The following ANO1 variants were observed in gnomAD, a reference collection of about 807,000 sequenced individuals.
ANO1 encodes anoctamin-1.
Under a neutral mutation model 124.0 loss-of-function variants are expected in ANO1, and 59 were observed. That is an observed-to-expected ratio of 0.48 (90% CI 0.39 to 0.59). The LOEUF (loss-of-function observed/expected upper bound fraction) is 0.59. Among genes scored for constraint, ANO1 ranks in the 20% least tolerant of loss-of-function variants. The pLI, the probability that ANO1 is intolerant of heterozygous loss-of-function variation, is 0.00. For synonymous variants in ANO1, 529 were observed against 532.0 expected (o/e 0.99, Z 0.08); for missense variants, 1,059 against 1,328.0 (o/e 0.80, Z 3.15).
chr11:70,155,900 C>T lies in ANO1; in HGVS notation c.1426-11C>T, dbSNP rs1565257859. ...ACCGCACGGTGCTCTCTTTCCCCCA[C>T]CCCCCCTCAGAAGCGCCGGCATATT... On this transcript the variant is annotated splice_polypyrimidine_tract_variant and intron_variant, in intron 14 of 25. Transcript: ENST00000355303. 3.3e-6 allele frequency: 5 copies of T among 1,532,868 alleles called. No individual in the cohort carries two copies. In the Admixed American group the frequency reaches 8.4e-5, roughly 26 times the overall value. The allele number at this position is 1,532,868 out of a possible 1,614,324, so 95.0% of individuals were successfully genotyped here.
intron 21 of ANO1, among the ~76,000 whole-genome samples, chr11:70,169,067 G>T (rs982662366): frequency 6.6e-6 from 1 of 152,214 alleles, no homozygotes; most frequent in Non-Finnish European, 1.5e-5. Flanking sequence ...GGTCTGGGAG[G>T]TGGCTTCCCC....
At chr11:70,048,123 G>A (rs1240853487) in intron 1 of ANO1, among the ~76,000 whole-genome samples, 3 of 152,076 alleles carry the variant, frequency 2.0e-5, no homozygotes, top group African/African-American at 7.2e-5. Context: ...TCTTCCATTT[G>A]CACTCAAAGT....
At chr11:70,127,891 T>C (rs933470782) in intron 10 of ANO1, among the ~76,000 whole-genome samples, 7 of 152,204 alleles carry the variant, frequency 4.6e-5, no homozygotes, top group Non-Finnish European at 1.0e-4. Context: ...GGGAATTGAC[T>C]ATAAAGGGGA....
Position 70,170,909 on chromosome 11 carries a change from CCT to C in ANO1, c.2221_2222del (p.Leu741ValfsTer30), listed in dbSNP as rs775074828. On this transcript the variant is annotated frameshift_variant, in exon 22 of 26. Transcript: ENST00000355303. LOFTEE classifies it high-confidence loss of function. ...EMIIQFGFVT[L>X]FVASFPLAPL... ...CAGTCATCCAGTTTGGCTTCGTCAC[CCT>C]GTTTGTCGCCTCCTTCCCCCTGGCC... is the stretch of plus-strand genomic sequence containing the variant. 6.2e-7 allele frequency: 1 copy of C among 1,613,442 alleles called. No homozygotes were observed. Among genetic ancestry groups the C allele is most frequent in the Middle Eastern group, 1.7e-4 (1 of 6,060 alleles).
chr11:70,182,562 A>G lies in ANO1; in HGVS notation c.2464A>G (p.Ser822Gly), dbSNP rs769860063. ...GCGCCTGGTGTACCTCTACATGTACAGTAAGAACGGGACCATGCACGGCTT... is the reference window on the plus strand; with the variant it reads ...GCGCCTGGTGTACCTCTACATGTACGGTAAGAACGGGACCATGCACGGCTT... Reference protein sequence around the residue: ...IPRLVYLYMYSKNGTMHGFVN... With the variant: ...IPRLVYLYMYGKNGTMHGFVN... Residue 822 changes from serine (S) to glycine (G), a missense_variant, in exon 24 of 26, where the codon AGT (serine) becomes GGT (glycine). By Grantham distance (56) the Ser-to-Gly change is moderately conservative (BLOSUM62 0). This residue lies in a region of ANO1 where 809 missense variants were observed against 1,094.9 expected (regional missense o/e 0.74). Coordinates refer to ENST00000355303, the MANE Select transcript of ANO1 (RefSeq NM_018043.7). The G allele has an allele frequency of 3.7e-6, 6 of 1,613,236 alleles. No individual in the cohort carries two copies. Among genetic ancestry groups the G allele is most frequent in the Admixed American group, 3.3e-5 (2 of 59,862 alleles).
chr11:70,012,691 T>TCATC (rs145576612), intron 1 of ANO1, among the ~76,000 whole-genome samples: 6,646 of 150,736 alleles, frequency 0.044, 465 homozygotes, highest in African/African-American at 0.15. Context: ...GTCCTTTCCT[T>TCATC]CATCCATCCA....
intron 14 of ANO1, among the ~76,000 whole-genome samples, chr11:70,154,104 A>G (rs1457640834): frequency 1.3e-5 from 2 of 152,140 alleles, no homozygotes; most frequent in African/African-American, 2.4e-5. Flanking sequence ...ATGTGGGACA[A>G]GCAGGCATGG....
chr11:70,187,861 G>C lies in ANO1; in HGVS notation c.2818G>C (p.Asp940His). The C allele has an allele frequency of 6.2e-7, 1 of 1,607,746 alleles. No individual in the cohort carries two copies. Among genetic ancestry groups the C allele is most frequent in the Non-Finnish European group, 8.5e-7 (1 of 1,177,360 alleles). ...GGAGCTGTTCATGCGGGAGGAGCAAGACAAGCAGCAGCTGCTGGAAACCTG... is the reference window on the plus strand; with the variant it reads ...GGAGCTGTTCATGCGGGAGGAGCAACACAAGCAGCAGCTGCTGGAAACCTG... ...MVELFMREEQ[D>H]KQQLLETWME... Residue 940 changes from aspartate (D) to histidine (H), a missense_variant, in exon 26 of 26, where the codon GAC becomes CAC. By Grantham distance (81) the Asp-to-His change is moderately conservative. This residue lies in a region of ANO1 where 809 missense variants were observed against 1,094.9 expected (regional missense o/e 0.74). Coordinates refer to ENST00000355303, the MANE Select transcript of ANO1 (RefSeq NM_018043.7).
chr11:70,162,741 G>A (rs1480777402), intron 18 of ANO1, among the ~76,000 whole-genome samples: 1 of 152,174 alleles, frequency 6.6e-6, no homozygotes, highest in African/African-American at 2.4e-5. Flanking sequence ...CCCGCCAAGG[G>A]GTCCAGTGCC....
chr11:70,135,845 G>A (rs1227196814), intron 11 of ANO1, among the ~76,000 whole-genome samples: 1 of 152,218 alleles, frequency 6.6e-6, no homozygotes, highest in Admixed American at 6.5e-5. Context: ...TGTGATAAGC[G>A]CCTGTTGCGG....
intron 15 of ANO1, among the ~76,000 whole-genome samples, chr11:70,156,498 GCTGCTTGTTT>G (rs771383192): frequency 6.6e-5 from 10 of 152,300 alleles, no homozygotes; most frequent in Non-Finnish European, 1.5e-4. Flanking sequence ...TGTAGTGCTA[GCTGCTTGTTT>G]CAACTTGCTC....
chr11:70,065,864 C>T lies in ANO1; in HGVS notation c.59-12678C>T, dbSNP rs190919890. Among the ~76,000 whole-genome samples the T allele has an allele frequency of 1.1e-4, 17 of 152,316 alleles. No individual in the cohort carries two copies. The East Asian group carries it at 1.2e-3, about 10-fold the overall frequency. On this transcript the variant is annotated intron_variant, in intron 1 of 27. Coordinates refer to the ANO1 transcript ENST00000531349. ...GATCTCTGCTCAGATGTCACTTCCCCGGAAGGGCCTTCCACGGCCACCCAC... is the reference window on the plus strand; with the variant it reads ...GATCTCTGCTCAGATGTCACTTCCCTGGAAGGGCCTTCCACGGCCACCCAC...
chr11:70,014,342 G>A (rs1183880874), intron 1 of ANO1, among the ~76,000 whole-genome samples: 2 of 137,318 alleles, frequency 1.5e-5, no homozygotes, highest in Non-Finnish European at 3.0e-5. Flanking sequence ...CCGCTCCTTT[G>A]CCTCCAACAC....
At chr11:70,049,129 C>G (rs554040401) in intron 1 of ANO1, among the ~76,000 whole-genome samples, 26 of 152,258 alleles carry the variant, frequency 1.7e-4, no homozygotes, top group African/African-American at 6.0e-4. Context: ...ATCTAAGATG[C>G]ATAAAGATGC....
At chr11:70,129,303 C>A (rs1590812576) in intron 10 of ANO1, 1 of 152,272 alleles carries the variant, frequency 6.6e-6, no homozygotes. Context: ...AAGGGCCACA[C>A]TCGTGTTGGT....
intron 1 of ANO1, among the ~76,000 whole-genome samples, chr11:70,023,299 C>G (rs1363178535): frequency 6.6e-6 from 1 of 152,186 alleles, no homozygotes; most frequent in African/African-American, 2.4e-5. Flanking sequence ...CGCATTGACT[C>G]CATTTAGCAG....
In ANO1 at chr11:70,101,329, G is replaced by C. The variant is rs148855252; in HGVS notation, c.442-1737G>C. ...AGTACACTTTGGGAGGCCGAGGCAG[G>C]CAGATCGCCTGAGGTCAGGAGTTCC... On this transcript the variant is annotated intron_variant, in intron 2 of 25. Coordinates refer to ENST00000355303, the MANE Select transcript of ANO1 (RefSeq NM_018043.7). Among the ~76,000 whole-genome samples the C allele has an allele frequency of 5.2e-3, 785 of 152,010 alleles. 9 individuals are homozygous for C. The highest frequency in any genetic ancestry group is 0.018 in the African/African-American group (755 of 41,440).
chr11:70,063,333 G>A (rs1288062620), intron 1 of ANO1, among the ~76,000 whole-genome samples: 1 of 152,174 alleles, frequency 6.6e-6, no homozygotes, highest in Non-Finnish European at 1.5e-5. Flanking sequence ...AGCTCCTCGG[G>A]CCCAGACCTG....
chr11:70,119,171 T>C (rs546724469), intron 8 of ANO1, among the ~76,000 whole-genome samples: 2 of 136,082 alleles, frequency 1.5e-5, no homozygotes, highest in African/African-American at 5.6e-5. Flanking sequence ...TAATGATGGA[T>C]GATGGGTGGG....
Sources: gnomAD v4.1 joint callset for allele counts (sites outside exome capture counted in the v4.1 genomes callset) on GRCh38, gnomAD v4.1.1 for gene constraint, gnomAD v4.1.1 regional missense constraint, MANE v1.5 for transcripts, NCBI Gene and HGNC (gene_info 2026-07-23, HGNC 2026-07-21) for gene names.